Variants in UBTD1 observed in about 807,000 individuals in gnomAD.
The protein encoded by UBTD1 is ubiquitin domain containing 1, also known as ubiquitin domain-containing protein 1.
UBTD1 carries 19 observed loss-of-function variants against 21.7 expected under a neutral mutation model. The ratio of observed to expected loss-of-function variants is 0.87; its 90% CI spans 0.61 to 1.28. The LOEUF (loss-of-function observed/expected upper bound fraction) is 1.28, where lower values mean the gene tolerates loss of function less well. UBTD1 is among the 50% of genes most tolerant of loss of function. The pLI, the probability that UBTD1 is intolerant of heterozygous loss-of-function variation, is 0.00. For synonymous variants in UBTD1, 116 were observed against 135.1 expected, an observed-to-expected ratio of 0.86 and a Z score of 0.98; for missense variants, 282 against 315.1, an observed-to-expected ratio of 0.89 and a Z score of 0.80.
At chr10:97,542,990 T>C (rs1326774446) in intron 1 of UBTD1, among the ~76,000 whole-genome samples, 1 of 152,204 alleles carries the variant, frequency 6.6e-6, no homozygotes. Flanking sequence ...TCTCTGCTGC[T>C]CCCAAACTCC....
At chr10:97,499,846 G>A (rs2040337661) in intron 1 of UBTD1, among the ~76,000 whole-genome samples, 1 of 152,208 alleles carries the variant, frequency 6.6e-6, no homozygotes, top group African/African-American at 2.4e-5. Context: ...TAAAAGATGG[G>A]GTGCGGGGTG....
intron 1 of UBTD1, among the ~76,000 whole-genome samples, chr10:97,547,519 G>A (rs2040616686): frequency 6.6e-6 from 1 of 152,102 alleles, no homozygotes; most frequent in Non-Finnish European, 1.5e-5. Context: ...GCGTTCTGCT[G>A]CACCGCGAAA....
At chr10:97,525,016 A>G (rs960561779) in intron 1 of UBTD1, among the ~76,000 whole-genome samples, 5 of 152,162 alleles carry the variant, frequency 3.3e-5, no homozygotes, top group African/African-American at 1.2e-4. Context: ...TAGGTAACTA[A>G]CAGCCTCACT....
intron 1 of UBTD1, among the ~76,000 whole-genome samples, chr10:97,565,379 T>C (rs1019445896): frequency 1.3e-5 from 2 of 152,214 alleles, no homozygotes; most frequent in African/African-American, 4.8e-5. Flanking sequence ...AGGAATTATA[T>C]TGGAATTGTA....
intron 1 of UBTD1, among the ~76,000 whole-genome samples, chr10:97,555,828 G>A (rs1240837185): frequency 3.3e-5 from 5 of 152,134 alleles, no homozygotes; most frequent in African/African-American, 9.7e-5. Flanking sequence ...GCGTGGTTTC[G>A]GGCCTGGCGC....
intron 1 of UBTD1, among the ~76,000 whole-genome samples, chr10:97,539,794 G>C (rs1316331178): frequency 6.6e-6 from 1 of 152,022 alleles, no homozygotes; most frequent in African/African-American, 2.4e-5. Context: ...ATGTGTGGGA[G>C]GACAAGAGGC....
At chr10:97,561,135 G>T (rs895269520) in intron 1 of UBTD1, among the ~76,000 whole-genome samples, 2 of 152,104 alleles carry the variant, frequency 1.3e-5, no homozygotes, top group African/African-American at 4.8e-5. Flanking sequence ...CTCCGTGGGG[G>T]CCTGCTACGT....
chr10:97,529,949 T>C (rs1259243990), intron 1 of UBTD1, among the ~76,000 whole-genome samples: 1 of 152,178 alleles, frequency 6.6e-6, no homozygotes, highest in African/African-American at 2.4e-5. Flanking sequence ...CCCTTTTGCC[T>C]GGCTAACTCC....
At chr10:97,555,994 T>C (rs903182518) in intron 1 of UBTD1, among the ~76,000 whole-genome samples, 24 of 152,212 alleles carry the variant, frequency 1.6e-4, no homozygotes, top group Non-Finnish European at 4.4e-5. Context: ...CTCACTCTTA[T>C]TTTTGCTACT....
intron 1 of UBTD1, among the ~76,000 whole-genome samples, chr10:97,564,093 T>G (rs1006557343): frequency 6.6e-6 from 1 of 152,032 alleles, no homozygotes; most frequent in Non-Finnish European, 1.5e-5. Context: ...CCATCGAGGT[T>G]GTAGAGTTTG....
At chr10:97,542,274 C>T (rs972777386) in intron 1 of UBTD1, among the ~76,000 whole-genome samples, 3 of 152,164 alleles carry the variant, frequency 2.0e-5, no homozygotes, top group African/African-American at 4.8e-5. Flanking sequence ...CCCACAGCCC[C>T]GAGTTATGGT....
intron 1 of UBTD1, among the ~76,000 whole-genome samples, chr10:97,538,798 A>G (rs1172546897): frequency 1.3e-5 from 2 of 151,982 alleles, no homozygotes; most frequent in Non-Finnish European, 2.9e-5. Flanking sequence ...TATTGCACAT[A>G]TGGTTTGCTT....
At chr10:97,510,146 G>A (rs1422646980) in intron 1 of UBTD1, among the ~76,000 whole-genome samples, 1 of 151,168 alleles carries the variant, frequency 6.6e-6, no homozygotes, top group Non-Finnish European at 1.5e-5. Context: ...TGTATTTTTA[G>A]TAGAGATGGG....
At chr10:97,524,284 T>TGG (rs144604925) in intron 1 of UBTD1, among the ~76,000 whole-genome samples, 27 of 140,944 alleles carry the variant, frequency 1.9e-4, no homozygotes, top group African/African-American at 6.7e-4. Flanking sequence ...TTTGTAGGGA[T>TGG]GCGGGGGGGT....
chr10:97,554,247 G>GTTTT (rs71007352), intron 1 of UBTD1, among the ~76,000 whole-genome samples: 17 of 134,858 alleles, frequency 1.3e-4, no homozygotes, highest in Non-Finnish European at 1.7e-4. Flanking sequence ...GTTTGTTTTC[G>GTTTT]TTTTTTTTTT....
At chr10:97,548,966 G>A (rs2040623956) in intron 1 of UBTD1, among the ~76,000 whole-genome samples, 1 of 152,120 alleles carries the variant, frequency 6.6e-6, no homozygotes, top group African/African-American at 2.4e-5. Context: ...CTGGACTCAC[G>A]GACCAGAGAG....
At chr10:97,568,213 G>C in intron 2 of UBTD1, 72 bp downstream of exon 2, 6 of 1,538,818 alleles carry the variant, frequency 3.9e-6, no homozygotes, top group Non-Finnish European at 5.4e-6. Context: ...AGGGTGTTGA[G>C]GAGTGTGGAG....
intron 1 of UBTD1, among the ~76,000 whole-genome samples, chr10:97,563,340 A>C (rs960552940): frequency 1.3e-5 from 2 of 152,206 alleles, no homozygotes; most frequent in African/African-American, 4.8e-5. Context: ...CTCTTCATTT[A>C]AAAATATACA....
chr10:97,531,681 A>C (rs1267319840), intron 1 of UBTD1, among the ~76,000 whole-genome samples: 1 of 152,150 alleles, frequency 6.6e-6, no homozygotes, highest in Non-Finnish European at 1.5e-5. Flanking sequence ...CCCAGGGGCG[A>C]TTCTAGGTAT....
Sources: allele counts gnomAD v4.1 joint callset (sites outside exome capture counted in the v4.1 genomes callset), GRCh38; gene constraint gnomAD v4.1.1; transcripts MANE v1.5; gene names NCBI Gene and HGNC (gene_info 2026-07-23, HGNC 2026-07-21).